Variants in DNAH11 observed in about 807,000 individuals in gnomAD.
DNAH11 encodes the protein dynein axonemal heavy chain 11, also known as axonemal beta dynein heavy chain 11.
DNAH11 carries 442 observed loss-of-function variants against 526.0 expected under a neutral mutation model. The observed-to-expected ratio is 0.84, with a 90% CI of 0.78 to 0.91. The LOEUF (loss-of-function observed/expected upper bound fraction) is 0.91. DNAH11 is among the 40% of genes least tolerant of loss of function. DNAH11 has a pLI of 0.00. For synonymous variants in DNAH11, 2,461 were observed against 1,935.9 expected, an observed-to-expected ratio of 1.27 and a Z score of -7.12; for missense variants, 6,989 against 5,448.7, an observed-to-expected ratio of 1.28 and a Z score of -8.90.
intron 2 of DNAH11, among the ~76,000 whole-genome samples, chr7:21,548,252 C>T (rs1782878514): frequency 6.6e-6 from 1 of 152,124 alleles, no homozygotes; most frequent in Admixed American, 6.5e-5. Context: ...CTGCTAGTGT[C>T]ATGTCTAGTG....
At chr7:21,588,305 C>T in intron 10 of DNAH11, 104 bp downstream of exon 10, 1 of 1,420,128 alleles carries the variant, frequency 7.0e-7, no homozygotes, top group Non-Finnish European at 9.4e-7. Context: ...GATATAGGCA[C>T]TACATTTTTG....
intron 71 of DNAH11, 29 bp downstream of exon 71, chr7:21,866,692 G>T: frequency 6.3e-7 from 1 of 1,583,804 alleles, no homozygotes; most frequent in Non-Finnish European, 8.6e-7. Context: ...TTGGAAACAT[G>T]TATTAGTTAA....
chr7:21,751,271 C>G (rs1215339104), intron 54 of DNAH11, among the ~76,000 whole-genome samples: 1 of 152,112 alleles, frequency 6.6e-6, no homozygotes, highest in East Asian at 1.9e-4. Flanking sequence ...TTGCAGTGAG[C>G]CAAGATCGCG....
intron 73 of DNAH11, among the ~76,000 whole-genome samples, chr7:21,869,375 T>C (rs954818407): frequency 2.0e-5 from 3 of 152,074 alleles, no homozygotes; most frequent in African/African-American, 7.2e-5. Context: ...TTAATGTATA[T>C]TGTTGTTGCA....
At position 21,901,149 on chromosome 7, in the gene DNAH11, A is replaced by G; in HGVS notation, c.13446A>G (p.Arg4482=). 6.2e-7 allele frequency: 1 copy of G among 1,613,114 alleles called. No individual in the cohort carries two copies. Among genetic ancestry groups the G allele is most frequent in the African/African-American group, 1.3e-5 (1 of 74,988 alleles). The change falls in exon 82 of 82, where the codon AGA becomes AGG. Residue 4482 remains arginine, a synonymous_variant. Transcript: ENST00000409508. The stretch of plus-strand genomic sequence containing the variant: ...AGACCTACGAGTGCCCTGTGTATAG[A>G]ACCAAACTGAGAGGCCCCAGCTACA... ...TKQTYECPVY[R]TKLRGPSYIW...
intron 8 of DNAH11, among the ~76,000 whole-genome samples, chr7:21,579,284 A>T (rs1366932865): frequency 2.0e-5 from 3 of 152,240 alleles, no homozygotes; most frequent in Non-Finnish European, 4.4e-5. Context: ...ATTCTGTAAT[A>T]TATATTTATT....
chr7:21,754,674 T>C (rs1002633993), intron 54 of DNAH11, among the ~76,000 whole-genome samples: 1 of 152,118 alleles, frequency 6.6e-6, no homozygotes, highest in Non-Finnish European at 1.5e-5. Flanking sequence ...TGTTTTGTTT[T>C]TAACATCAAG....
intron 18 of DNAH11, among the ~76,000 whole-genome samples, chr7:21,602,353 CTAA>C (rs939450064): frequency 8.6e-4 from 131 of 152,116 alleles, no homozygotes; most frequent in African/African-American, 3.0e-3. Flanking sequence ...AATAATAATA[CTAA>C]TAATAAATAA....
chr7:21,621,459 C>G (rs1447435870), intron 25 of DNAH11, among the ~76,000 whole-genome samples: 4 of 152,152 alleles, frequency 2.6e-5, no homozygotes, highest in African/African-American at 7.2e-5. Flanking sequence ...GAAATCCTCC[C>G]TAACTCATTT....
chr7:21,658,788 G>C lies in DNAH11; in HGVS notation c.5095-10G>C. 1 of 1,554,420 alleles carries C rather than the reference G, an allele frequency of 6.4e-7. No individual in the cohort carries two copies. Among genetic ancestry groups the C allele is most frequent in the Non-Finnish European group, 8.7e-7 (1 of 1,147,570 alleles). On this transcript the variant is annotated splice_polypyrimidine_tract_variant and intron_variant, in intron 29 of 81. Coordinates refer to ENST00000409508, the MANE Select transcript of DNAH11 (RefSeq NM_001277115.2). ...AGCCTGTGTTATAACATTTCAACTT[G>C]CTTCCAAAGGTGGAAACATGGCTTC...
intron 65 of DNAH11, among the ~76,000 whole-genome samples, chr7:21,837,464 A>G (rs576380252): frequency 1.5e-4 from 23 of 152,308 alleles, no homozygotes; most frequent in Middle Eastern, 6.8e-3. Flanking sequence ...GTTAAGTGAA[A>G]TAAGTCAGGC....
chr7:21,871,045 G>C (rs1047447989), intron 73 of DNAH11, among the ~76,000 whole-genome samples: 1 of 152,148 alleles, frequency 6.6e-6, no homozygotes, highest in Admixed American at 6.5e-5. Context: ...ACATTAACGT[G>C]GGTATATGAT....
chr7:21,769,375 GC>G (rs1343290786), intron 55 of DNAH11, among the ~76,000 whole-genome samples: 2 of 151,150 alleles, frequency 1.3e-5, no homozygotes, highest in Non-Finnish European at 2.9e-5. Context: ...TAGTTTTGTG[GC>G]TTTTCTCTAG....
intron 30 of DNAH11, 70 bp downstream of exon 30, chr7:21,659,101 T>G (rs1782140419): frequency 1.6e-6 from 2 of 1,288,572 alleles, no homozygotes; most frequent in Non-Finnish European, 2.1e-6. Flanking sequence ...ATTCATTCTT[T>G]TAGTCATTCA....
chr7:21,669,184 G>A (rs1045245412), intron 30 of DNAH11, among the ~76,000 whole-genome samples: 2 of 151,992 alleles, frequency 1.3e-5, no homozygotes, highest in East Asian at 1.9e-4. Context: ...TGGGTGATTT[G>A]CCTTATATAT....
intron 46 of DNAH11, among the ~76,000 whole-genome samples, 174 bp from the exon 47 acceptor site, chr7:21,738,527 C>T (rs539107010): frequency 5.9e-5 from 9 of 152,056 alleles, no homozygotes; most frequent in South Asian, 4.2e-4. Flanking sequence ...CAGGAGAGCA[C>T]GACACAAAAG....
At chr7:21,631,498 C>G (rs112217057) in intron 25 of DNAH11, among the ~76,000 whole-genome samples, 1 of 152,152 alleles carries the variant, frequency 6.6e-6, no homozygotes, top group East Asian at 1.9e-4. Flanking sequence ...TTAGTTACTT[C>G]CTAGATAAAA....
In DNAH11 at chr7:21,873,971, A is replaced by G. The variant is rs555572708; in HGVS notation, c.12195+470A>G. Among the ~76,000 whole-genome samples the G allele has an allele frequency of 5.9e-4, 90 of 151,594 alleles. 1 individual carries two copies. The highest frequency in any genetic ancestry group is 2.2e-3 in the African/African-American group (89 of 41,340). On this transcript the variant is annotated intron_variant, in intron 74 of 81. Transcript: ENST00000409508. The stretch of plus-strand genomic sequence containing the variant: ...ACGCCCGGCTAATTTTTGTATTTTT[A>G]GTAGAGATGGGGTTTCACCATGTTG...
At position 21,752,915 on chromosome 7, in the gene DNAH11, T is replaced by G. The variant is rs567940128; in HGVS notation, c.8940+2551T>G. ...TTTTAGTAGAGACGGGGTTTCACCA[T>G]GTTGGCCAGGCTGGTCTTGAACTCG... On this transcript the variant is annotated intron_variant, in intron 54 of 81. Transcript: ENST00000409508. Among the ~76,000 whole-genome samples the G allele has an allele frequency of 1.4e-3, 209 of 152,274 alleles. 1 individual carries two copies. The highest frequency in any genetic ancestry group is 0.01 in the Middle Eastern group (3 of 294).
Sources: gnomAD v4.1 joint callset for allele counts (sites outside exome capture counted in the v4.1 genomes callset) on GRCh38, gnomAD v4.1.1 for gene constraint, MANE v1.5 for transcripts, NCBI Gene and HGNC (gene_info 2026-07-23, HGNC 2026-07-21) for gene names.